The following PCDH15 variants were observed in gnomAD, a reference collection of about 807,000 sequenced individuals.
The protein encoded by PCDH15 is protocadherin-15.
PCDH15 carries 129 observed loss-of-function variants against 178.5 expected under a neutral mutation model. The ratio of observed to expected loss-of-function variants is 0.72; its 90% CI spans 0.63 to 0.84. The LOEUF is 0.84. Ranked by LOEUF, PCDH15 falls within the 40% of genes least tolerant of loss-of-function variation. The pLI is 0.00. For synonymous variants in PCDH15, 800 were observed against 732.0 expected (o/e 1.09, Z -1.50); for missense variants, 2,230 against 2,099.9 (o/e 1.06, Z -1.21).
chr10:54,647,913 C>T (rs2094166720), intron 2 of PCDH15, among the ~76,000 whole-genome samples: 1 of 152,012 alleles, frequency 6.6e-6, no homozygotes, highest in Non-Finnish European at 1.5e-5. Flanking sequence ...CCACTGCCCT[C>T]TTGCTTAAAA....
intron 1 of PCDH15, among the ~76,000 whole-genome samples, chr10:55,275,059 T>C (rs889531131): frequency 3.2e-4 from 48 of 152,112 alleles, no homozygotes; most frequent in African/African-American, 1.0e-3. Context: ...ATTTCTGTGA[T>C]GTTTTTATTG....
intron 2 of PCDH15, among the ~76,000 whole-genome samples, chr10:55,015,175 G>A (rs989319368): frequency 3.3e-5 from 5 of 151,974 alleles, no homozygotes; most frequent in African/African-American, 1.2e-4. Context: ...GTTGCAGTGA[G>A]CCAAGATCCC....
At chr10:54,674,566 T>G (rs1055468448) in intron 1 of PCDH15, among the ~76,000 whole-genome samples, 2 of 152,120 alleles carry the variant, frequency 1.3e-5, no homozygotes, top group Non-Finnish European at 2.9e-5. Flanking sequence ...ATTTATCTTA[T>G]AAATCTACAT....
chr10:54,037,236 A>AG (rs1196427922), intron 18 of PCDH15, among the ~76,000 whole-genome samples: 7 of 152,020 alleles, frequency 4.6e-5, no homozygotes, highest in African/African-American at 1.4e-4. Context: ...AGGATTAAGA[A>AG]GATTGACTCC....
At chr10:54,184,838 C>A (rs766172162) in intron 12 of PCDH15, among the ~76,000 whole-genome samples, 1 of 151,690 alleles carries the variant, frequency 6.6e-6, no homozygotes, top group Non-Finnish European at 1.5e-5. Flanking sequence ...TTCTTTATAC[C>A]TCAATTTAAG....
intron 1 of PCDH15, among the ~76,000 whole-genome samples, chr10:54,685,948 A>ATG (rs1032559222): frequency 6.6e-6 from 1 of 151,482 alleles, no homozygotes; most frequent in Middle Eastern, 3.4e-3. Context: ...TATATAAAAT[A>ATG]TGTGTGTGTG....
intron 1 of PCDH15, among the ~76,000 whole-genome samples, chr10:55,222,730 C>CACACACACACATATATATATAT: frequency 2.5e-5 from 3 of 121,272 alleles, no homozygotes; most frequent in African/African-American, 1.0e-4. Flanking sequence ...CACACACACA[C>CACACACACACATATATATATAT]ATATATATAT....
intron 2 of PCDH15, among the ~76,000 whole-genome samples, chr10:55,034,600 A>T (rs563105870): frequency 5.9e-5 from 9 of 152,344 alleles, no homozygotes; most frequent in Non-Finnish European, 1.2e-4. Context: ...GATACAAAAC[A>T]TGAATAGATC....
In PCDH15 at chr10:54,896,408, A is replaced by C. The variant is rs541873946; in HGVS notation, c.-29+1042T>G. 4.5e-4 allele frequency among the ~76,000 whole-genome samples: 68 copies of C among 152,192 alleles called. 1 individual carries two copies. In the Middle Eastern group the frequency reaches 0.01, roughly 23 times the overall value. ...CTATCCAGCTGTTGACTTTTCTGAA[A>C]GTTCTGGTGAGAATATAAGAATGAA... On this transcript the variant is annotated intron_variant, in intron 3 of 5. Coordinates refer to the PCDH15 transcript ENST00000458638.
rs202125339 is a variant in PCDH15, at chr10:54,183,422, CTTATA to C, written c.1590+17_1590+21del. 1,141 of 1,591,132 alleles carry C rather than the reference CTTATA, an allele frequency of 7.2e-4. 5 individuals are homozygous for C. The African/African-American group carries it at 0.013, about 18-fold the overall frequency. ...TGTAAATAACAGCTTTGAGTGTACA[CTTATA>C]TTATGTGAGTAGTTACCTGTATGAC... is the stretch of plus-strand genomic sequence containing the variant. On this transcript the variant is annotated intron_variant, in intron 13 of 37. Transcript: ENST00000644397.
chr10:54,238,677 T>TCTCA (rs1186937599), intron 8 of PCDH15, among the ~76,000 whole-genome samples: 1,695 of 144,316 alleles, frequency 0.012, 17 homozygotes, highest in East Asian at 0.057. Context: ...TCTCTCTCTC[T>TCTCA]CACACACACA....
intron 3 of PCDH15, among the ~76,000 whole-genome samples, chr10:54,843,644 C>A (rs1953456372): frequency 6.6e-6 from 1 of 151,938 alleles, no homozygotes; most frequent in Non-Finnish European, 1.5e-5. Flanking sequence ...CATTTTATAA[C>A]ATAGAGTGAA....
intron 2 of PCDH15, among the ~76,000 whole-genome samples, chr10:55,460,814 AT>A (rs2132092280): frequency 6.6e-6 from 1 of 151,990 alleles, no homozygotes; most frequent in African/African-American, 2.4e-5. Flanking sequence ...AGTGCTGGAT[AT>A]TTTTCTCTCA....
chr10:54,593,220 G>T (rs1370991559), intron 2 of PCDH15, among the ~76,000 whole-genome samples: 1 of 151,922 alleles, frequency 6.6e-6, no homozygotes, highest in African/African-American at 2.4e-5. Context: ...CTGTGCTTTT[G>T]CTCTCATATC....
At chr10:54,432,825 C>G (rs1212668093) in intron 3 of PCDH15, among the ~76,000 whole-genome samples, 15 of 151,912 alleles carry the variant, frequency 9.9e-5, no homozygotes, top group Non-Finnish European at 2.1e-4. Context: ...GCAAACTAAC[C>G]ATCTGACAAA....
intron 2 of PCDH15, among the ~76,000 whole-genome samples, chr10:54,636,578 T>A (rs948647068): frequency 5.9e-5 from 9 of 151,946 alleles, no homozygotes; most frequent in Non-Finnish European, 1.3e-4. Context: ...AGAAGCCACA[T>A]ATAATAGCAA....
intron 2 of PCDH15, among the ~76,000 whole-genome samples, chr10:54,578,242 C>T (rs1039146795): frequency 1.3e-5 from 2 of 151,874 alleles, no homozygotes; most frequent in African/African-American, 4.8e-5. Context: ...AGTTTGAGGG[C>T]CCCTAATCTT....
chr10:55,010,074 T>A (rs1475593519), intron 2 of PCDH15, among the ~76,000 whole-genome samples: 1 of 152,032 alleles, frequency 6.6e-6, no homozygotes, highest in African/African-American at 2.4e-5. Flanking sequence ...GGAGAAAAAA[T>A]GAGAAGACTA....
rs564316520 is a variant in PCDH15 at position 54,521,158 on chromosome 10, C to T, written c.157+6654G>A. Among the ~76,000 whole-genome samples, 3 of 151,974 alleles carry T rather than the reference C, an allele frequency of 2.0e-5. No homozygotes were observed. The East Asian group carries it at 5.8e-4, about 29-fold the overall frequency. On this transcript the variant is annotated intron_variant, in intron 3 of 37. Coordinates refer to ENST00000644397, the MANE Select transcript of PCDH15 (RefSeq NM_001384140.1). ...AGTACACCAACATGGCACATGTATACATATGTAACAAACCTGCACATTGTG... is the reference window on the plus strand; with the variant it reads ...AGTACACCAACATGGCACATGTATATATATGTAACAAACCTGCACATTGTG...
Sources: allele counts gnomAD v4.1 joint callset (sites outside exome capture counted in the v4.1 genomes callset), GRCh38; gene constraint gnomAD v4.1.1; transcripts MANE v1.5; gene names NCBI Gene and HGNC (gene_info 2026-07-23, HGNC 2026-07-21).